Variants in KIF13A observed in about 807,000 individuals in gnomAD.
The protein encoded by KIF13A is kinesin-like protein KIF13A.
KIF13A carries 79 observed loss-of-function variants against 212.2 expected under a neutral mutation model. That is an observed-to-expected ratio of 0.37 (90% CI 0.31 to 0.45). The LOEUF (loss-of-function observed/expected upper bound fraction) is 0.45. KIF13A is among the 20% of genes least tolerant of loss of function. KIF13A has a pLI of 1.00. For missense variants in KIF13A, 1,901 were observed against 2,209.0 expected (o/e 0.86, Z 2.79); for synonymous variants, 789 against 808.6 (o/e 0.98, Z 0.41).
chr6:17,875,472 T>G (rs1770465059), intron 3 of KIF13A, among the ~76,000 whole-genome samples: 1 of 150,468 alleles, frequency 6.6e-6, no homozygotes, highest in African/African-American at 2.4e-5. Flanking sequence ...TTTTTTTTTT[T>G]GAGACAGAGT....
At chr6:17,876,600 A>C (rs1440716701) in intron 3 of KIF13A, among the ~76,000 whole-genome samples, 1 of 150,438 alleles carries the variant, frequency 6.6e-6, no homozygotes, top group Non-Finnish European at 1.5e-5. Context: ...TTTATCATGT[A>C]TATGATCTGT....
At position 17,883,260 on chromosome 6, in the gene KIF13A, C is replaced by T. The variant is rs1771243779; in HGVS notation, c.160-9823G>A. Among the ~76,000 whole-genome samples, 1 of 152,136 alleles carries T rather than the reference C, an allele frequency of 6.6e-6. No individual in the cohort carries two copies. The highest frequency in any genetic ancestry group is 2.1e-4 in the South Asian group (1 of 4,830). On this transcript the variant is annotated intron_variant, in intron 3 of 38. Coordinates refer to ENST00000259711, the MANE Select transcript of KIF13A (RefSeq NM_022113.6). The surrounding 1 kb of genome is among the most constrained non-coding windows in gnomAD (Gnocchi z 4.8). ...TACTCAGGAGGCTGAAGCAAGAGGA[C>T]TGCTTGAGCCCAGAAGTTTAAGCCT...
chr6:17,856,070 A>G lies in KIF13A; in HGVS notation c.273T>C (p.Phe91=). 1 of 1,613,746 alleles carries G rather than the reference A, an allele frequency of 6.2e-7. No individual in the cohort carries two copies. The highest frequency in any genetic ancestry group is 2.2e-5 in the East Asian group (1 of 44,874). ...CAAAAATACACGCATTATACCCCTG[A>G]AAGGCTTTTTCAAGAATTCCTTCCC... ...CLGEGILEKA[F]QGYNACIFAY... The change falls in exon 5 of 39, where the codon TTT becomes TTC. Residue 91 remains phenylalanine, a synonymous_variant. Coordinates refer to ENST00000259711, the MANE Select transcript of KIF13A (RefSeq NM_022113.6). The surrounding 1 kb of genome is among the most constrained non-coding windows in gnomAD (Gnocchi z 4.5).
chr6:17,779,807 T>C, intron 31 of KIF13A, 123 bp from the exon 32 acceptor site: 1 of 464,722 alleles, frequency 2.2e-6, no homozygotes, highest in Non-Finnish European at 3.9e-6. Flanking sequence ...TGGCGCGATC[T>C]CGGCTCACTG....
chr6:17,832,971 G>A (rs945108278), intron 12 of KIF13A, among the ~76,000 whole-genome samples: 5 of 129,362 alleles, frequency 3.9e-5, no homozygotes, highest in African/African-American at 1.2e-4. Flanking sequence ...CCGAGATTGC[G>A]CCACTGCACT....
Position 17,919,373 on chromosome 6 carries a change from A to C in KIF13A, c.147-21193T>G, listed in dbSNP as rs1774838986. 6.6e-6 allele frequency among the ~76,000 whole-genome samples: 1 copy of C among 152,348 alleles called. No homozygotes were observed. The highest frequency in any genetic ancestry group is 2.1e-4 in the South Asian group (1 of 4,824). On this transcript the variant is annotated intron_variant, in intron 2 of 38. Transcript: ENST00000259711. The surrounding 1 kb of genome is among the most constrained non-coding windows in gnomAD (Gnocchi z 4.1). ...AAAATAAGACCATTGAGAGAATTTCAAAAGTTATATTAATGTCTGATCCAA... is the reference window on the plus strand; with the variant it reads ...AAAATAAGACCATTGAGAGAATTTCCAAAGTTATATTAATGTCTGATCCAA...
At position 17,855,095 on chromosome 6, in the gene KIF13A, C is replaced by G. The variant is rs576192105; in HGVS notation, c.494+342G>C. On this transcript the variant is annotated intron_variant, in intron 6 of 38. Coordinates refer to ENST00000259711, the MANE Select transcript of KIF13A (RefSeq NM_022113.6). The surrounding 1 kb of genome is among the most constrained non-coding windows in gnomAD (Gnocchi z 4.1). ...GGCTGGGATGTTTCAATCCTTCAAC[C>G]CTTTTACCCTTAACACATTAGTGCC... Among the ~76,000 whole-genome samples, 32 of 152,194 alleles carry G rather than the reference C, an allele frequency of 2.1e-4. No homozygotes were observed. Among genetic ancestry groups the G allele is most frequent in the Non-Finnish European group, 3.7e-4 (25 of 68,014 alleles).
Position 17,794,880 on chromosome 6 carries a change from A to C in KIF13A, c.2943-176T>G. 1 of 607,788 alleles carries C rather than the reference A, an allele frequency of 1.6e-6. No homozygotes were observed. Among genetic ancestry groups the C allele is most frequent in the Middle Eastern group, 2.6e-4 (1 of 3,862 alleles). 37.6% of individuals were successfully genotyped at this position (607,788 alleles called of 1,614,324 possible). A position where few individuals can be genotyped will look rare whatever the true frequency, so the allele number is the denominator to read the frequency against. On this transcript the variant is annotated intron_variant, in intron 23 of 38. Coordinates refer to ENST00000259711, the MANE Select transcript of KIF13A (RefSeq NM_022113.6). This position sits in a 1 kb window ranked among gnomAD's most constrained non-coding sequence, Gnocchi z 4.1. ...CCAACCTGTCATATTGTTTCTTTTT[A>C]TTTATTTTACTGAGGTAGACTGAAA...
At chr6:17,830,965 G>C (rs753276309) in intron 13 of KIF13A, 136 bp downstream of exon 13, 11 of 713,742 alleles carry the variant, frequency 1.5e-5, no homozygotes, top group Non-Finnish European at 2.5e-5. Context: ...GGTGATCGGA[G>C]GGCACTATCC....
Position 17,850,276 on chromosome 6 carries a change from T to G in KIF13A, c.717+47A>C. On this transcript the variant is annotated intron_variant, in intron 8 of 38. Transcript: ENST00000259711. This position sits in a 1 kb window ranked among gnomAD's most constrained non-coding sequence, Gnocchi z 6.2. ...AAAGACTTTACCTATATGGACACTT[T>G]CAGTTCTTCCACCCCCACTCCAAAA... The G allele has an allele frequency of 1.3e-6, 2 of 1,557,534 alleles. No homozygotes were observed. Among genetic ancestry groups the G allele is most frequent in the Non-Finnish European group, 1.7e-6 (2 of 1,148,178 alleles).
At chr6:17,986,064 T>A (rs1294021793) in intron 2 of KIF13A, among the ~76,000 whole-genome samples, 2 of 152,218 alleles carry the variant, frequency 1.3e-5, no homozygotes, top group Non-Finnish European at 2.9e-5. Context: ...TCACAAACCC[T>A]GCTTCAGAGT....
chr6:17,761,563 A>G (rs992596163), downstream of KIF13A, among the ~76,000 whole-genome samples: 2 of 151,958 alleles, frequency 1.3e-5, no homozygotes, highest in African/African-American at 4.8e-5. Context: ...TTGTGTTTTC[A>G]GTAGAGACAG....
In KIF13A at chr6:17,769,915, T is replaced by C. The variant is rs569124473; in HGVS notation, c.4581+1199A>G. On this transcript the variant is annotated intron_variant, in intron 38 of 38. Transcript: ENST00000259711. The surrounding 1 kb of genome is among the most constrained non-coding windows in gnomAD (Gnocchi z 5.8). ...TCCATCAGGAACTAGGACAGGGCTT[T>C]GGGATAGAGGGACAAGGAGAAACCA... 4.5e-4 allele frequency among the ~76,000 whole-genome samples: 69 copies of C among 152,190 alleles called. No individual in the cohort carries two copies. The highest frequency in any genetic ancestry group is 3.4e-3 in the Middle Eastern group (1 of 294).
Position 17,775,046 on chromosome 6 carries a change from G to A in KIF13A, c.4187C>T (p.Pro1396Leu), listed in dbSNP as rs200833262. ...PNVHNVSSSR[P>L]DLSGFDEDDK... The stretch of plus-strand genomic sequence containing the variant: ...ATCTTCATCAAAGCCAGAAAGGTCC[G>A]GTCGGCTGGAAGAGACCTATAAGAG... Residue 1396 changes from proline to leucine, a missense_variant, in exon 35 of 39, where the codon CCG (proline) becomes CTG (leucine). This residue lies in a region of KIF13A where 687 missense variants were observed against 759.1 expected (regional missense o/e 0.90). Coordinates refer to ENST00000259711, the MANE Select transcript of KIF13A (RefSeq NM_022113.6). The A allele has an allele frequency of 1.2e-4, 197 of 1,611,656 alleles. No individual in the cohort carries two copies. The highest frequency in any genetic ancestry group is 4.0e-4 in the African/African-American group (30 of 74,826).
rs530349395 is a variant in KIF13A, at chr6:17,849,927, T to C, written c.717+396A>G. ...GGGAATTTCAGCATGAAAGGATATA[T>C]ATTAAAAGCTGTATGGTGATGTCAT... On this transcript the variant is annotated intron_variant, in intron 8 of 38. Transcript: ENST00000259711. The surrounding 1 kb of genome is among the most constrained non-coding windows in gnomAD (Gnocchi z 5.7). Among the ~76,000 whole-genome samples the C allele has an allele frequency of 1.5e-4, 23 of 152,172 alleles. No individual in the cohort carries two copies. The highest frequency in any genetic ancestry group is 3.2e-4 in the Non-Finnish European group (22 of 68,026).
Position 17,987,250 on chromosome 6 carries a change from C to T in KIF13A, c.56-106G>A. The T allele has an allele frequency of 1.0e-6, 1 of 962,872 alleles. No homozygotes were observed. Among genetic ancestry groups the T allele is most frequent in the African/African-American group, 1.7e-5 (1 of 58,014 alleles). The allele number at this position is 962,872 out of a possible 1,614,324, so 59.6% of individuals were successfully genotyped here. ...GGCTCCGTCCCTGGAGGCGGCCGAG[C>T]CTGGAGACGGCGCCCCGGGCACCAC... On this transcript the variant is annotated intron_variant, in intron 1 of 38. Transcript: ENST00000259711. This position sits in a 1 kb window ranked among gnomAD's most constrained non-coding sequence, Gnocchi z 7.7.
intron 9 of KIF13A, among the ~76,000 whole-genome samples, chr6:17,842,015 G>A (rs1388002005): frequency 6.6e-6 from 1 of 151,528 alleles, no homozygotes; most frequent in African/African-American, 2.4e-5. Flanking sequence ...GTGTGTGTGT[G>A]TGTGTGTGTG....
chr6:17,764,655 T>TG lies in KIF13A; in HGVS notation c.4872dup (p.Ile1625HisfsTer19). 6.2e-7 allele frequency: 1 copy of TG among 1,613,912 alleles called. No homozygotes were observed. Among genetic ancestry groups the TG allele is most frequent in the Non-Finnish European group, 8.5e-7 (1 of 1,179,860 alleles). On this transcript the variant is annotated frameshift_variant, in exon 39 of 39. Transcript: ENST00000259711. LOFTEE classifies it low-confidence loss of function (END_TRUNC). This position sits in a 1 kb window ranked among gnomAD's most constrained non-coding sequence, Gnocchi z 5.1. ...GTGGAGTCTGCATCCTTCGTCTGAA[T>TG]GGCCAGCTGGTCTGAGCTGTCACTA...
At chr6:17,812,319 T>C (rs2150348447) in intron 17 of KIF13A, 1 of 152,258 alleles carries the variant, frequency 6.6e-6, no homozygotes, top group African/African-American at 2.4e-5. Flanking sequence ...GTTTTTGTTT[T>C]TTTTTCCTGA....
Sources: gnomAD v4.1 joint callset for allele counts (sites outside exome capture counted in the v4.1 genomes callset) on GRCh38, gnomAD v4.1.1 for gene constraint, gnomAD v4.1.1 regional missense constraint, Gnocchi (gnomAD v3.1) non-coding constraint, MANE v1.5 for transcripts, NCBI Gene and HGNC (gene_info 2026-07-23, HGNC 2026-07-21) for gene names.